KLHL29: variants seen among roughly 807,000 people sequenced by gnomAD.
KLHL29 encodes kelch like family member 29.
Under a neutral mutation model 80.4 loss-of-function variants are expected in KLHL29, and 21 were observed. That is an observed-to-expected ratio of 0.26 (90% confidence interval 0.19 to 0.38). The LOEUF is 0.38. KLHL29 is among the 10% of genes least tolerant of loss of function. The pLI is 1.00. For synonymous variants in KLHL29, 511 were observed against 526.8 expected, an observed-to-expected ratio of 0.97 and a Z score of 0.41; for missense variants, 867 against 1,223.9, an observed-to-expected ratio of 0.71 and a Z score of 4.35.
intron 2 of KLHL29, among the ~76,000 whole-genome samples, chr2:23,539,351 A>G (rs1666766531): frequency 2.6e-5 from 4 of 152,094 alleles, no homozygotes; most frequent in Admixed American, 2.6e-4. Context: ...AGTTATCTCA[A>G]AAATATGTCT....
Position 23,480,208 on chromosome 2 carries a change from C to T in KLHL29, c.-46+4541C>T, listed in dbSNP as rs113046352. Among the ~76,000 whole-genome samples, 826 of 152,298 alleles carry T rather than the reference C, an allele frequency of 5.4e-3. 5 individuals are homozygous for T. The highest frequency in any genetic ancestry group is 0.01 in the Admixed American group (154 of 15,308). On this transcript the variant is annotated intron_variant, in intron 2 of 13. Coordinates refer to ENST00000486442, the MANE Select transcript of KLHL29 (RefSeq NM_052920.2). ...AGTGCTTTAAGAATTACAGATGGCC[C>T]GGCCGTGGTGGCTCACGCCTGTAAT... is the stretch of plus-strand genomic sequence containing the variant.
At chr2:23,502,055 C>G (rs1380863027) in intron 2 of KLHL29, among the ~76,000 whole-genome samples, 1 of 152,196 alleles carries the variant, frequency 6.6e-6, no homozygotes, top group African/African-American at 2.4e-5. Flanking sequence ...GGTGCTGTTG[C>G]TGTGTAGCCA....
At chr2:23,428,810 T>C (rs1663078126) in intron 1 of KLHL29, among the ~76,000 whole-genome samples, 1 of 152,158 alleles carries the variant, frequency 6.6e-6, no homozygotes, top group South Asian at 2.1e-4. Context: ...GGCCGTTGGC[T>C]CCCCCAACAG....
At chr2:23,527,926 C>T (rs190481460) in intron 2 of KLHL29, among the ~76,000 whole-genome samples, 29 of 152,322 alleles carry the variant, frequency 1.9e-4, no homozygotes, top group East Asian at 1.7e-3. Context: ...GATCAAGGTG[C>T]AAGGCCCCCA....
At chr2:23,394,667 T>C (rs969507880) in intron 1 of KLHL29, among the ~76,000 whole-genome samples, 2 of 152,264 alleles carry the variant, frequency 1.3e-5, no homozygotes, top group African/African-American at 2.4e-5. Flanking sequence ...TTTAGCCACA[T>C]TGCTCACTGA....
At chr2:23,553,579 C>T (rs1667182693) in intron 2 of KLHL29, among the ~76,000 whole-genome samples, 1 of 152,216 alleles carries the variant, frequency 6.6e-6, no homozygotes, top group Admixed American at 6.5e-5. Context: ...ATATGTCACT[C>T]TCAGAGGCTG....
intron 7 of KLHL29, among the ~76,000 whole-genome samples, chr2:23,692,328 T>G (rs1205485231): frequency 6.6e-6 from 1 of 152,214 alleles, no homozygotes; most frequent in African/African-American, 2.4e-5. Context: ...GTCCCTTGAG[T>G]ACCCAGATCT....
intron 5 of KLHL29, among the ~76,000 whole-genome samples, chr2:23,662,804 C>T (rs977542661): frequency 1.3e-5 from 2 of 152,204 alleles, no homozygotes; most frequent in African/African-American, 4.8e-5. Context: ...CAGGGAACCC[C>T]TAAATCTTCC....
At chr2:23,636,399 GAA>G (rs756008103) in intron 3 of KLHL29, among the ~76,000 whole-genome samples, 22 of 131,794 alleles carry the variant, frequency 1.7e-4, no homozygotes, top group South Asian at 2.5e-4. Flanking sequence ...TACCCTAAAG[GAA>G]AAAAAAAAAA....
rs997490276 is a variant in KLHL29 at position 23,681,225 on chromosome 2, C to A, written c.941-3174C>A. Among the ~76,000 whole-genome samples, 1 of 152,248 alleles carries A rather than the reference C, an allele frequency of 6.6e-6. No homozygotes were observed. Among genetic ancestry groups the A allele is most frequent in the African/African-American group, 2.4e-5 (1 of 41,470 alleles). ...AATGCACTTGGGGCCTGCTGGGAATCCCCTGGTGAGCACTTTCATAAATTG... is the reference window on the plus strand; with the variant it reads ...AATGCACTTGGGGCCTGCTGGGAATACCCTGGTGAGCACTTTCATAAATTG... On this transcript the variant is annotated intron_variant, in intron 5 of 13. Transcript: ENST00000486442. This position sits in a 1 kb window ranked among gnomAD's most constrained non-coding sequence, Gnocchi z 4.2.
At chr2:23,452,649 G>C (rs1663915492) in intron 1 of KLHL29, among the ~76,000 whole-genome samples, 1 of 152,150 alleles carries the variant, frequency 6.6e-6, no homozygotes, top group African/African-American at 2.4e-5. Flanking sequence ...TCGTTGAGAG[G>C]AGCCACTGTC....
At chr2:23,548,130 G>A (rs1231387101) in intron 2 of KLHL29, among the ~76,000 whole-genome samples, 7 of 152,214 alleles carry the variant, frequency 4.6e-5, no homozygotes. Flanking sequence ...TGGCTTCAAG[G>A]AGCTGCCAAC....
chr2:23,412,240 G>A (rs1340459391), intron 1 of KLHL29, among the ~76,000 whole-genome samples: 4 of 151,926 alleles, frequency 2.6e-5, no homozygotes, highest in East Asian at 1.9e-4. Context: ...GCCAGATCAC[G>A]CCTAATATCT....
At chr2:23,673,484 G>A (rs116896001) in intron 5 of KLHL29, among the ~76,000 whole-genome samples, 1 of 149,726 alleles carries the variant, frequency 6.7e-6, no homozygotes, top group Non-Finnish European at 1.5e-5. Context: ...CATTCACAGG[G>A]ATGCATACAC....
intron 3 of KLHL29, among the ~76,000 whole-genome samples, chr2:23,614,810 G>C (rs1047792752): frequency 6.6e-6 from 1 of 152,208 alleles, no homozygotes; most frequent in Non-Finnish European, 1.5e-5. Flanking sequence ...GGCTGAGGCA[G>C]GGTGGGCTGG....
intron 2 of KLHL29, among the ~76,000 whole-genome samples, chr2:23,497,358 G>A (rs953321855): frequency 6.6e-6 from 1 of 152,180 alleles, no homozygotes; most frequent in African/African-American, 2.4e-5. Context: ...GGAGCCGAGG[G>A]TTTCCTGGGG....
At chr2:23,621,791 CAA>C (rs1350107870) in intron 3 of KLHL29, among the ~76,000 whole-genome samples, 1 of 152,198 alleles carries the variant, frequency 6.6e-6, no homozygotes, top group African/African-American at 2.4e-5. Flanking sequence ...GCACTGGCAT[CAA>C]GTGGGCACCA....
rs546118507 is a variant in KLHL29, at chr2:23,621,058, G to T, written c.286-18081G>T. On this transcript the variant is annotated intron_variant, in intron 3 of 13. Transcript: ENST00000486442. ...CTTGAGGCACACACTTCCACCGCAG[G>T]AACATCCTTGGCCGGGGGACTGCAG... is the stretch of plus-strand genomic sequence containing the variant. 2.0e-5 allele frequency among the ~76,000 whole-genome samples: 3 copies of T among 152,346 alleles called. No homozygotes were observed. In the South Asian group the frequency reaches 6.2e-4, roughly 32 times the overall value.
At chr2:23,525,976 C>T (rs1298662930) in intron 2 of KLHL29, among the ~76,000 whole-genome samples, 7 of 152,176 alleles carry the variant, frequency 4.6e-5, no homozygotes, top group Middle Eastern at 3.2e-3. Flanking sequence ...TGGCAAGTCA[C>T]GTCCCTGACA....
Sources: gnomAD v4.1 joint callset for allele counts (sites outside exome capture counted in the v4.1 genomes callset) on GRCh38, gnomAD v4.1.1 for gene constraint, Gnocchi (gnomAD v3.1) non-coding constraint, MANE v1.5 for transcripts, NCBI Gene and HGNC (gene_info 2026-07-23, HGNC 2026-07-21) for gene names.